The following TFB2M variants were observed in gnomAD, a reference collection of about 807,000 sequenced individuals.
TFB2M encodes the protein transcription factor B2, mitochondrial.
Under a neutral mutation model 41.3 loss-of-function variants are expected in TFB2M, and 44 were observed. That is an observed-to-expected ratio of 1.07 (90% CI 0.84 to 1.37). The LOEUF is 1.37. Ranked by LOEUF, TFB2M falls within the 40% of genes most tolerant of loss-of-function variation. The pLI, the probability that TFB2M is intolerant of heterozygous loss-of-function variation, is 0.00. For synonymous variants in TFB2M, 188 were observed against 176.8 expected (o/e 1.06, Z -0.50); for missense variants, 496 against 490.2 (o/e 1.01, Z -0.11).
At chr1:246,546,257 AGCCGTGATTAT>A (rs1659016182) in intron 6 of TFB2M, among the ~76,000 whole-genome samples, 1 of 151,138 alleles carries the variant, frequency 6.6e-6, no homozygotes, top group Non-Finnish European at 1.5e-5. Context: ...GGCTGCAGTA[AGCCGTGATTAT>A]GCCACTGCAC....
chr1:246,554,570 G>A (rs545673941), intron 4 of TFB2M, among the ~76,000 whole-genome samples: 1 of 152,266 alleles, frequency 6.6e-6, no homozygotes, highest in East Asian at 1.9e-4. Context: ...CCTGTCACCC[G>A]CAAGTAGGAC....
intron 3 of TFB2M, 133 bp downstream of exon 3, chr1:246,557,248 G>T (rs1173142856): frequency 4.9e-6 from 5 of 1,028,566 alleles, no homozygotes; most frequent in Non-Finnish European, 7.1e-6. Flanking sequence ...ACTCCAGCCT[G>T]GGTGACAGAG....
At chr1:246,561,193 T>G (rs1237853157) in intron 2 of TFB2M, among the ~76,000 whole-genome samples, 1 of 152,120 alleles carries the variant, frequency 6.6e-6, no homozygotes, top group African/African-American at 2.4e-5. Context: ...TTTCAATTTA[T>G]CATAACAATG....
chr1:246,565,800 A>G (rs1416992895), intron 1 of TFB2M, 26 bp downstream of exon 1: 13 of 1,585,196 alleles, frequency 8.2e-6, no homozygotes, highest in African/African-American at 1.3e-5. Context: ...TGAACATCCA[A>G]GAAAATGCAA....
chr1:246,556,585 T>C lies in TFB2M; in HGVS notation c.693A>G (p.Glu231=), dbSNP rs753267291. The C allele has an allele frequency of 6.6e-7, 1 of 1,508,350 alleles. No homozygotes were observed. The highest frequency in any genetic ancestry group is 8.9e-7 in the Non-Finnish European group (1 of 1,125,606). The allele number at this position is 1,508,350 out of a possible 1,614,324, so 93.4% of individuals were successfully genotyped here. A position where few individuals can be genotyped will look rare whatever the true frequency, so the allele number is the denominator to read the frequency against. ...GRIEVNMFIG[E]KEFQKLMADP... ...GTTAATAACATACCTGGAATTCTTTTTCACCAATAAACATATTTACTTCTA... is the reference window on the plus strand; with the variant it reads ...GTTAATAACATACCTGGAATTCTTTCTCACCAATAAACATATTTACTTCTA... Residue 231 remains glutamate (E), a synonymous_variant, in exon 4 of 8, where the codon GAA becomes GAG. Transcript: ENST00000366514.
chr1:246,551,814 G>A (rs950774755), intron 4 of TFB2M, among the ~76,000 whole-genome samples: 2 of 152,210 alleles, frequency 1.3e-5, no homozygotes, highest in African/African-American at 4.8e-5. Context: ...AGAGGCATGG[G>A]CCAGTGGAAT....
intron 3 of TFB2M, 143 bp downstream of exon 3, chr1:246,557,238 A>G: frequency 2.2e-6 from 2 of 915,568 alleles, no homozygotes; most frequent in Non-Finnish European, 3.3e-6. Context: ...GCGCCACTGC[A>G]CTCCAGCCTG....
At chr1:246,546,952 T>C (rs1427014272) in intron 6 of TFB2M, among the ~76,000 whole-genome samples, 7 of 103,876 alleles carry the variant, frequency 6.7e-5, no homozygotes, top group Non-Finnish European at 1.6e-4. Flanking sequence ...CCTAAAAGTT[T>C]ATATATGTAT....
intron 4 of TFB2M, among the ~76,000 whole-genome samples, chr1:246,555,251 G>A (rs756579544): frequency 2.3e-4 from 35 of 152,114 alleles, no homozygotes; most frequent in Non-Finnish European, 4.7e-4. Context: ...ATATCAAATG[G>A]TGCATCCACG....
intron 2 of TFB2M, among the ~76,000 whole-genome samples, chr1:246,562,029 AT>A (rs1659469112): frequency 6.6e-6 from 1 of 152,082 alleles, no homozygotes; most frequent in African/African-American, 2.4e-5. Context: ...TTTTCTTCAC[AT>A]TTTTGGAACT....
chr1:246,544,634 A>T lies in TFB2M; in HGVS notation c.906T>A (p.Ile302=). The stretch of plus-strand genomic sequence containing the variant: ...TCTTGGTAAATAAATTTTGACGAGG[A>T]ATCATTTGAATAAGATACAGCTTTT... The part of the protein sequence containing the change: ...LQQKLYLIQM[I]PRQNLFTKNL... Residue 302 remains isoleucine, a synonymous_variant, in exon 7 of 8, where the codon ATT becomes ATA. Coordinates refer to ENST00000366514, the MANE Select transcript of TFB2M (RefSeq NM_022366.3). 1 of 1,607,116 alleles carries T rather than the reference A, an allele frequency of 6.2e-7. No individual in the cohort carries two copies. The highest frequency in any genetic ancestry group is 8.5e-7 in the Non-Finnish European group (1 of 1,178,402).
At chr1:246,551,121 G>A (rs1659166237) in intron 5 of TFB2M, 92 bp downstream of exon 5, 6 of 938,660 alleles carry the variant, frequency 6.4e-6, no homozygotes, top group Non-Finnish European at 1.0e-5. Flanking sequence ...GCTGCAGCAA[G>A]CTATGATTGT....
chr1:246,557,458 C>G lies in TFB2M; in HGVS notation c.479G>C (p.Gly160Ala), dbSNP rs1659353648. 6.2e-7 allele frequency: 1 copy of G among 1,613,608 alleles called. No individual in the cohort carries two copies. Among genetic ancestry groups the G allele is most frequent in the African/African-American group, 1.3e-5 (1 of 74,864 alleles). ...DFFKLDPRSG[G>A]VIKPPAMSSR... is the part of the protein sequence containing the mutation. ...AGACATAGCAGGTGGTTTTATTACT[C>G]CACCACTTCTAGGATCTAGTTTAAA... Residue 160 changes from glycine to alanine, a missense_variant, in exon 3 of 8, where the codon GGA (glycine) becomes GCA (alanine). Physicochemically the swap from Gly to Ala is moderately conservative, Grantham distance 60 (BLOSUM62 0). Transcript: ENST00000366514.
rs1383497401 is a variant in TFB2M, at chr1:246,556,683, C to T, written c.595G>A (p.Gly199Ser). Reference protein sequence around the residue: ...LKVVGMFPSRGEKRALWKLAY... With the variant: ...LKVVGMFPSRSEKRALWKLAY... ...AGTTTCCAAAGTGCCCTTTTCTCAC[C>T]TCTACTTGGGAACATTCCAACTACT... Residue 199 changes from glycine (G) to serine (S), a missense_variant, in exon 4 of 8, where the codon GGT (glycine) becomes AGT (serine). Gly to Ser is a moderately conservative substitution (Grantham distance 56, BLOSUM62 0). Coordinates refer to ENST00000366514, the MANE Select transcript of TFB2M (RefSeq NM_022366.3). The T allele has an allele frequency of 6.3e-7, 1 of 1,580,752 alleles. No individual in the cohort carries two copies. The highest frequency in any genetic ancestry group is 2.3e-5 in the East Asian group (1 of 43,482).
intron 4 of TFB2M, among the ~76,000 whole-genome samples, chr1:246,553,037 T>C (rs1418142493): frequency 2.0e-4 from 30 of 152,078 alleles, no homozygotes; most frequent in East Asian, 3.9e-4. Context: ...CTGACCAACA[T>C]GGTGAAACCC....
intron 7 of TFB2M, among the ~76,000 whole-genome samples, chr1:246,541,606 T>C (rs1461143187): frequency 6.6e-6 from 1 of 152,378 alleles, no homozygotes; most frequent in South Asian, 2.1e-4. Flanking sequence ...TAAAGTTTCA[T>C]AGCTAACCTA....
chr1:246,559,297 C>A (rs1393068204), intron 2 of TFB2M, among the ~76,000 whole-genome samples: 1 of 152,018 alleles, frequency 6.6e-6, no homozygotes, highest in Non-Finnish European at 1.5e-5. Context: ...ACGTGTAATA[C>A]CAGCACTTTG....
rs1659663391 is a variant in TFB2M, at chr1:246,566,114, G to A, written c.25C>T (p.Pro9Ser). 9 of 1,610,572 alleles carry A rather than the reference G, an allele frequency of 5.6e-6. No homozygotes were observed. Among genetic ancestry groups the A allele is most frequent in the Non-Finnish European group, 6.8e-6 (8 of 1,177,406 alleles). ...AAGGCGGAGAGCCTCAGCCGCCGAG[G>A]AAGCCCGACCACTGGGATCCACATG... Reference protein sequence around the residue: MWIPVVGLPRRLRLSALAG... With the variant: MWIPVVGLSRRLRLSALAG... The change falls in exon 1 of 8, where the codon CCT (proline) becomes TCT (serine). Residue 9 changes from proline (P) to serine (S), a missense_variant. Coordinates refer to ENST00000366514, the MANE Select transcript of TFB2M (RefSeq NM_022366.3).
chr1:246,550,509 G>A (rs1659145334), intron 5 of TFB2M, among the ~76,000 whole-genome samples: 1 of 152,190 alleles, frequency 6.6e-6, no homozygotes, highest in Non-Finnish European at 1.5e-5. Flanking sequence ...ATACAGCAAG[G>A]TGCAGACTGA....
Sources: allele counts gnomAD v4.1 joint callset (sites outside exome capture counted in the v4.1 genomes callset), GRCh38; gene constraint gnomAD v4.1.1; transcripts MANE v1.5; gene names NCBI Gene and HGNC (gene_info 2026-07-23, HGNC 2026-07-21).